Variants in ELAVL2 observed in about 807,000 individuals in gnomAD.
The protein encoded by ELAVL2 is ELAV-like protein 2.
In ELAVL2, 4 loss-of-function variants were observed where a neutral mutation model predicts 34.6. The observed-to-expected ratio is 0.12, with a 90% CI of 0.06 to 0.26. The LOEUF is 0.26. Ranked by LOEUF, ELAVL2 falls within the 10% of genes least tolerant of loss-of-function variation. The probability of loss-of-function intolerance (pLI) is 1.00; values close to 1 mark genes in which losing one functional copy is unlikely to be tolerated. For synonymous variants in ELAVL2, 193 were observed against 154.8 expected, an observed-to-expected ratio of 1.25 and a Z score of -1.83; for missense variants, 432 against 442.8, an observed-to-expected ratio of 0.98 and a Z score of 0.22.
In ELAVL2 at chr9:23,805,711, C is replaced by T. The variant is rs186594152; in HGVS notation, c.-16+20095G>A. ...ACTTCTCTATCTGCTTCCAAAGATA[C>T]TCAGTGTAGAGCAGAAAACATTCTT... On this transcript the variant is annotated intron_variant, in intron 1 of 6. Transcript: ENST00000397312. Among the ~76,000 whole-genome samples the T allele has an allele frequency of 3.5e-3, 530 of 152,306 alleles. 1 individual carries two copies. The highest frequency in any genetic ancestry group is 0.01 in the Middle Eastern group (3 of 294).
rs2033640522 is a variant in ELAVL2 at position 23,692,835 on chromosome 9, T to C, written c.802A>G (p.Ile268Val). ...DGMTSLAGIN[I>V]PGHPGTGWCI... Reference sequence around the variant, plus strand: ...CACCCTGTTCCAGGGTGCCCAGGGATATTAATTCCAGCCAAACTGGTCATT... The same window carrying C: ...CACCCTGTTCCAGGGTGCCCAGGGACATTAATTCCAGCCAAACTGGTCATT... Residue 268 changes from isoleucine to valine, a missense_variant, in exon 7 of 7, where the codon ATC (isoleucine) becomes GTC (valine). By Grantham distance (29) the Ile-to-Val change is conservative. Coordinates refer to ENST00000397312, the MANE Select transcript of ELAVL2 (RefSeq NM_004432.5). 4 of 1,614,042 alleles carry C rather than the reference T, an allele frequency of 2.5e-6. No homozygotes were observed. The Admixed American group carries it at 5.0e-5, about 20-fold the overall frequency.
chr9:23,798,141 T>G (rs1252960695), intron 1 of ELAVL2, among the ~76,000 whole-genome samples: 1 of 152,236 alleles, frequency 6.6e-6, no homozygotes, highest in Admixed American at 6.5e-5. Context: ...GAGCCAAAGC[T>G]GTCCTTTAAC....
Position 23,798,175 on chromosome 9 carries a change from A to C in ELAVL2, c.-16+27631T>G, listed in dbSNP as rs568472325. On this transcript the variant is annotated intron_variant, in intron 1 of 6. Transcript: ENST00000397312. ...ACTGTCTCTTACAAGATTCTAACTCAAATGTGCCTAAATTCTGCAAGGTTA... is the reference window on the plus strand; with the variant it reads ...ACTGTCTCTTACAAGATTCTAACTCCAATGTGCCTAAATTCTGCAAGGTTA... Among the ~76,000 whole-genome samples the C allele has an allele frequency of 1.7e-4, 26 of 152,356 alleles. No individual in the cohort carries two copies. The East Asian group carries it at 1.7e-3, about 10-fold the overall frequency.
At chr9:23,706,087 T>G (rs930100692) in intron 3 of ELAVL2, among the ~76,000 whole-genome samples, 2 of 152,198 alleles carry the variant, frequency 1.3e-5, no homozygotes, top group Admixed American at 1.3e-4. Context: ...CTTTGTCTGT[T>G]GTCTTCTCAT....
intron 1 of ELAVL2, among the ~76,000 whole-genome samples, chr9:23,793,572 C>T (rs1468324987): frequency 6.6e-6 from 1 of 152,048 alleles, no homozygotes; most frequent in Non-Finnish European, 1.5e-5. Context: ...TTCAACGATC[C>T]CCTCCCCTAT....
chr9:23,715,645 C>G (rs928555947), intron 3 of ELAVL2, among the ~76,000 whole-genome samples: 2 of 152,168 alleles, frequency 1.3e-5, no homozygotes, highest in Non-Finnish European at 2.9e-5. Flanking sequence ...TGAAACTTGA[C>G]CCAATGACAT....
chr9:23,786,361 G>A (rs910089276), intron 1 of ELAVL2, among the ~76,000 whole-genome samples: 18 of 152,000 alleles, frequency 1.2e-4, no homozygotes, highest in Admixed American at 3.3e-4. Context: ...ACCAGTAAAT[G>A]CTTATTTCAT....
At chr9:23,710,687 G>A (rs1016807721) in intron 3 of ELAVL2, among the ~76,000 whole-genome samples, 1 of 152,138 alleles carries the variant, frequency 6.6e-6, no homozygotes, top group Non-Finnish European at 1.5e-5. Flanking sequence ...CAGCTGAAAG[G>A]TCACAGTTAT....
At chr9:23,703,012 C>T (rs1354384255) in intron 4 of ELAVL2, among the ~76,000 whole-genome samples, 1 of 132,184 alleles carries the variant, frequency 7.6e-6, no homozygotes, top group Non-Finnish European at 1.6e-5. Flanking sequence ...TCACCTAAAT[C>T]GGTGGTCCTC....
intron 1 of ELAVL2, among the ~76,000 whole-genome samples, chr9:23,811,509 C>T (rs577655294): frequency 2.6e-4 from 40 of 152,306 alleles, no homozygotes; most frequent in African/African-American, 9.6e-4. Context: ...AGGCATAGAT[C>T]AATGCTCTGA....
chr9:23,827,870 T>C (rs2065374708), upstream of ELAVL2, among the ~76,000 whole-genome samples: 1 of 152,186 alleles, frequency 6.6e-6, no homozygotes, highest in South Asian at 2.1e-4. Flanking sequence ...ATACGAGTTC[T>C]GTTACTTTGC....
At chr9:23,843,428 G>A in the ELAVL2 span, among the ~76,000 whole-genome samples, 2 of 152,038 alleles carry the variant, frequency 1.3e-5, no homozygotes, top group Non-Finnish European at 2.9e-5. Flanking sequence ...ACTTTTTACA[G>A]TAAAACTACA....
the ELAVL2 span, among the ~76,000 whole-genome samples, chr9:23,840,521 G>T: frequency 2.0e-5 from 3 of 152,244 alleles, no homozygotes; most frequent in African/African-American, 7.2e-5. Context: ...TTTTGGTTCC[G>T]TTATCTCTGC....
At chr9:23,759,074 C>A (rs2054258496) in intron 2 of ELAVL2, among the ~76,000 whole-genome samples, 1 of 151,806 alleles carries the variant, frequency 6.6e-6, no homozygotes, top group South Asian at 2.1e-4. Flanking sequence ...GCATGTTAAC[C>A]CAAAAGAAAT....
the ELAVL2 span, among the ~76,000 whole-genome samples, chr9:23,845,488 G>T: frequency 6.6e-6 from 1 of 151,666 alleles, no homozygotes; most frequent in East Asian, 1.9e-4. Flanking sequence ...AAATTCAGGG[G>T]TTTTTCCAAA....
intron 1 of ELAVL2, among the ~76,000 whole-genome samples, chr9:23,806,327 G>C (rs569967060): frequency 2.6e-5 from 4 of 151,962 alleles, no homozygotes; most frequent in Non-Finnish European, 5.9e-5. Context: ...AAAGACATAG[G>C]ACCTATTAGA....
At chr9:23,747,188 G>A (rs918311377) in intron 2 of ELAVL2, among the ~76,000 whole-genome samples, 6 of 151,852 alleles carry the variant, frequency 4.0e-5, no homozygotes, top group African/African-American at 1.2e-4. Flanking sequence ...TGTTAAGATG[G>A]ATTCTAAGTG....
At chr9:23,812,609 A>T (rs1024205333) in intron 1 of ELAVL2, among the ~76,000 whole-genome samples, 1 of 152,176 alleles carries the variant, frequency 6.6e-6, no homozygotes, top group Non-Finnish European at 1.5e-5. Flanking sequence ...ATAGAATAGA[A>T]GATGCTTGGT....
chr9:23,706,517 T>C (rs921794622), intron 3 of ELAVL2, among the ~76,000 whole-genome samples: 1 of 152,192 alleles, frequency 6.6e-6, no homozygotes. Flanking sequence ...AACCTATCTT[T>C]GCCAACATTT....
Sources: allele counts gnomAD v4.1 joint callset (sites outside exome capture counted in the v4.1 genomes callset), GRCh38; gene constraint gnomAD v4.1.1; transcripts MANE v1.5; gene names NCBI Gene and HGNC (gene_info 2026-07-23, HGNC 2026-07-21).